Variants in TENM3 observed in about 807,000 individuals in gnomAD.
The protein encoded by TENM3 is teneurin transmembrane protein 3, also known as teneurin-3.
Under a neutral mutation model 255.1 loss-of-function variants are expected in TENM3, and 63 were observed. The ratio of observed to expected loss-of-function variants is 0.25; its 90% CI spans 0.20 to 0.30. The LOEUF (loss-of-function observed/expected upper bound fraction) is 0.30, where lower values mean the gene tolerates loss of function less well. TENM3 is among the 10% of genes least tolerant of loss of function. The pLI is 1.00. For missense variants in TENM3, 2,929 were observed against 3,461.1 expected, an observed-to-expected ratio of 0.85 and a Z score of 3.86; for synonymous variants, 1,306 against 1,322.3, an observed-to-expected ratio of 0.99 and a Z score of 0.27.
At chr4:181,546,606 C>T in the TENM3 span, among the ~76,000 whole-genome samples, 1 of 140,166 alleles carries the variant, frequency 7.1e-6, no homozygotes, top group African/African-American at 2.6e-5. Context: ...CCCAGCTACT[C>T]GGGAGGCTGA....
At chr4:181,457,922 G>A in the TENM3 span, among the ~76,000 whole-genome samples, 1 of 151,768 alleles carries the variant, frequency 6.6e-6, no homozygotes, top group Non-Finnish European at 1.5e-5. Context: ...ATAGTATTTA[G>A]TTTTCCTATT....
chr4:182,665,390 C>A (rs1278697485), intron 6 of TENM3, among the ~76,000 whole-genome samples: 2 of 152,164 alleles, frequency 1.3e-5, no homozygotes. Flanking sequence ...TGTACCTAGT[C>A]CCCCAAGAGC....
the TENM3 span, among the ~76,000 whole-genome samples, chr4:181,916,570 T>C: frequency 4.5e-4 from 69 of 152,034 alleles, no homozygotes; most frequent in Admixed American, 1.8e-3. Flanking sequence ...AGAAGTGTGT[T>C]TGAGATGTAT....
intron 1 of TENM3, among the ~76,000 whole-genome samples, chr4:182,175,551 C>T (rs1389881919): frequency 6.6e-6 from 1 of 151,972 alleles, no homozygotes; most frequent in African/African-American, 2.4e-5. Context: ...AACTAAGAGG[C>T]GACCCTCCTG....
chr4:182,237,836 T>C (rs898051623), intron 1 of TENM3, among the ~76,000 whole-genome samples: 3 of 152,196 alleles, frequency 2.0e-5, no homozygotes, highest in Admixed American at 2.0e-4. Context: ...TTTTCTTCAT[T>C]CTGTTTTTAT....
chr4:182,532,021 G>A (rs1333738351), intron 3 of TENM3, among the ~76,000 whole-genome samples: 1 of 152,136 alleles, frequency 6.6e-6, no homozygotes, highest in Non-Finnish European at 1.5e-5. Flanking sequence ...TTTGTAAACA[G>A]GCCAAAGCCC....
At chr4:181,664,485 A>AT in the TENM3 span, among the ~76,000 whole-genome samples, 1 of 125,438 alleles carries the variant, frequency 8.0e-6, no homozygotes, top group Non-Finnish European at 1.8e-5. Context: ...ATAAAAAAAA[A>AT]CAAAACAAAA....
chr4:182,243,801 G>A (rs1757449333), intron 1 of TENM3, among the ~76,000 whole-genome samples: 1 of 152,114 alleles, frequency 6.6e-6, no homozygotes, highest in Non-Finnish European at 1.5e-5. Flanking sequence ...ATGTATGTCT[G>A]TTGACTTAAA....
chr4:182,377,591 G>C (rs1767264466), intron 3 of TENM3, among the ~76,000 whole-genome samples: 1 of 152,162 alleles, frequency 6.6e-6, no homozygotes, highest in South Asian at 2.1e-4. Context: ...TGGGATTATA[G>C]GCATGAGCCA....
intron 3 of TENM3, among the ~76,000 whole-genome samples, chr4:182,536,482 T>C (rs1307115731): frequency 2.6e-5 from 4 of 152,260 alleles, no homozygotes; most frequent in Non-Finnish European, 5.9e-5. Context: ...AGAGGTTTCT[T>C]AGTGGCTGAT....
At chr4:182,742,838 A>G (rs1029124223) in intron 18 of TENM3, among the ~76,000 whole-genome samples, 1 of 151,940 alleles carries the variant, frequency 6.6e-6, no homozygotes, top group Non-Finnish European at 1.5e-5. Flanking sequence ...TTTTTTGGCA[A>G]CTCCCCAGGC....
the TENM3 span, among the ~76,000 whole-genome samples, chr4:182,105,729 A>G: frequency 1.3e-5 from 2 of 152,188 alleles, no homozygotes; most frequent in African/African-American, 4.8e-5. Context: ...CAGAATTTAT[A>G]TTTGGCACCC....
the TENM3 span, among the ~76,000 whole-genome samples, chr4:181,655,003 C>G: frequency 6.6e-6 from 1 of 152,178 alleles, no homozygotes; most frequent in Non-Finnish European, 1.5e-5. Context: ...TGGCCATTTT[C>G]AGGCATTTGC....
intron 3 of TENM3, among the ~76,000 whole-genome samples, chr4:182,551,559 GATA>G (rs1185227039): frequency 6.6e-6 from 1 of 151,366 alleles, no homozygotes; most frequent in African/African-American, 2.5e-5. Flanking sequence ...AAAAGAGAGA[GATA>G]ATAATATAGG....
intron 3 of TENM3, among the ~76,000 whole-genome samples, chr4:182,365,885 C>G (rs1766401654): frequency 6.6e-6 from 1 of 152,172 alleles, no homozygotes; most frequent in African/African-American, 2.4e-5. Flanking sequence ...GGCTACAAAT[C>G]TGTACAGCCT....
chr4:182,773,833 TATAAG>T (rs1764464734), intron 23 of TENM3, 186 bp downstream of exon 23: 1 of 458,866 alleles, frequency 2.2e-6, no homozygotes, highest in Non-Finnish European at 3.8e-6. Flanking sequence ...TAAAACCACA[TATAAG>T]ATAATCTGTC....
intron 1 of TENM3, among the ~76,000 whole-genome samples, chr4:182,274,781 G>T (rs1177268361): frequency 6.6e-6 from 1 of 152,094 alleles, no homozygotes; most frequent in Non-Finnish European, 1.5e-5. Flanking sequence ...CTATTTCTGA[G>T]TTTAAGTCCA....
At chr4:182,424,475 A>G (rs780263574) in intron 3 of TENM3, among the ~76,000 whole-genome samples, 17 of 149,680 alleles carry the variant, frequency 1.1e-4, no homozygotes, top group Non-Finnish European at 2.2e-4. Context: ...TTTTTTTTTC[A>G]TTTTTGACTA....
intron 3 of TENM3, among the ~76,000 whole-genome samples, chr4:182,504,701 C>G (rs144202926): frequency 3.7e-4 from 56 of 152,282 alleles, no homozygotes; most frequent in African/African-American, 1.3e-3. Flanking sequence ...ATTCAAAGAC[C>G]TGTTTGCTAT....
Sources: gnomAD v4.1 joint callset for allele counts (sites outside exome capture counted in the v4.1 genomes callset) on GRCh38, gnomAD v4.1.1 for gene constraint, MANE v1.5 for transcripts, NCBI Gene and HGNC (gene_info 2026-07-23, HGNC 2026-07-21) for gene names.